TACC2: variants seen among roughly 807,000 people sequenced by gnomAD.
The protein encoded by TACC2 is transforming acidic coiled-coil containing protein 2.
A neutral mutation model predicts 227.3 loss-of-function variants in TACC2; 137 were observed. That is an observed-to-expected ratio of 0.60 (90% CI 0.52 to 0.69). The LOEUF (loss-of-function observed/expected upper bound fraction) is 0.69. Ranked by LOEUF, TACC2 falls within the 30% of genes least tolerant of loss-of-function variation. The probability of loss-of-function intolerance (pLI) is 0.00; values close to 1 mark genes in which losing one functional copy is unlikely to be tolerated. For missense variants in TACC2, 3,470 were observed against 3,694.4 expected (o/e 0.94, Z 1.57); for synonymous variants, 1,523 against 1,487.5 (o/e 1.02, Z -0.55).
intron 7 of TACC2, among the ~76,000 whole-genome samples, chr10:122,162,751 G>A (rs1216590777): frequency 6.6e-6 from 1 of 152,146 alleles, no homozygotes; most frequent in African/African-American, 2.4e-5. Flanking sequence ...CTGGGCACTG[G>A]GAGCTTGGTG....
chr10:122,128,863 T>C (rs964927273), intron 5 of TACC2, among the ~76,000 whole-genome samples: 17 of 152,192 alleles, frequency 1.1e-4, no homozygotes, highest in African/African-American at 4.1e-4. Context: ...GTTCAGGCTA[T>C]TATGCTTGCG....
intron 7 of TACC2, among the ~76,000 whole-genome samples, chr10:122,188,879 G>A (rs556877717): frequency 2.8e-4 from 42 of 152,308 alleles, no homozygotes; most frequent in Non-Finnish European, 5.0e-4. Flanking sequence ...CGAGGCAGCC[G>A]TAGGTGTCAG....
chr10:122,018,603 T>G (rs577060632), intron 1 of TACC2, among the ~76,000 whole-genome samples: 2 of 152,308 alleles, frequency 1.3e-5, no homozygotes, highest in African/African-American at 4.8e-5. Context: ...TGAATTTGCT[T>G]AACTCTGGCT....
intron 11 of TACC2, among the ~76,000 whole-genome samples, chr10:122,219,900 T>C (rs2095490167): frequency 6.6e-6 from 1 of 152,026 alleles, no homozygotes; most frequent in Non-Finnish European, 1.5e-5. Context: ...TAGCTGGGCA[T>C]GGTGGTGGGC....
At chr10:122,039,092 C>T (rs933326403) in intron 2 of TACC2, among the ~76,000 whole-genome samples, 1 of 152,204 alleles carries the variant, frequency 6.6e-6, no homozygotes, top group Non-Finnish European at 1.5e-5. Flanking sequence ...TCCCCTGCCT[C>T]AGCCTCCGGA....
rs569523562 is a variant in TACC2, at chr10:122,211,613, C to T, written c.7188C>T (p.Ala2396=). 1.9e-6 allele frequency: 3 copies of T among 1,613,742 alleles called. No individual in the cohort carries two copies. The highest frequency in any genetic ancestry group is 2.2e-5 in the South Asian group (2 of 90,968). Residue 2396 remains alanine, a synonymous_variant, in exon 9 of 23, where the codon GCC becomes GCT. Transcript: ENST00000369005. ...CCAGCTCACCTTCTAAATCCCCAGCCTCCTTTGAGATCCCAGCCAGTGCTA... is the reference window on the plus strand; with the variant it reads ...CCAGCTCACCTTCTAAATCCCCAGCTTCCTTTGAGATCCCAGCCAGTGCTA... ...KTPSSPSKSP[A]SFEIPASAME...
At chr10:122,034,351 G>C (rs1287274867) in intron 2 of TACC2, among the ~76,000 whole-genome samples, 2 of 152,036 alleles carry the variant, frequency 1.3e-5, no homozygotes, top group Non-Finnish European at 2.9e-5. Flanking sequence ...CCATGAGCTG[G>C]GCTGATGACT....
In TACC2 at chr10:122,210,310, G is replaced by C. The variant is rs759222715; in HGVS notation, c.5972-87G>C. On this transcript the variant is annotated intron_variant, in intron 8 of 22. Transcript: ENST00000369005. This position sits in a 1 kb window ranked among gnomAD's most constrained non-coding sequence, Gnocchi z 4.6. ...GGGGCCGTGGTTTGTCAACCCCTAC[G>C]CTGGAGGGTGATGTTTTGGTACAAG... 5 of 1,093,530 alleles carry C rather than the reference G, an allele frequency of 4.6e-6. No individual in the cohort carries two copies. In the Admixed American group the frequency reaches 7.5e-5, roughly 16 times the overall value. 67.7% of individuals were successfully genotyped at this position (1,093,530 alleles called of 1,614,324 possible).
chr10:122,004,397 CAAAAA>C (rs140584119), intron 1 of TACC2, among the ~76,000 whole-genome samples: 7 of 104,140 alleles, frequency 6.7e-5, no homozygotes, highest in Non-Finnish European at 9.9e-5. Context: ...GACTCTGTCT[CAAAAA>C]AAAAAAAAAA....
At chr10:122,216,484 C>A in intron 10 of TACC2, 143 bp from the exon 11 acceptor site, 2 of 699,026 alleles carry the variant, frequency 2.9e-6, no homozygotes, top group South Asian at 2.0e-5. Flanking sequence ...CTTAATGGAC[C>A]ATTTGGAGCA....
intron 12 of TACC2, among the ~76,000 whole-genome samples, chr10:122,225,066 A>T (rs867944926): frequency 4.3e-4 from 29 of 67,980 alleles, no homozygotes; most frequent in Middle Eastern, 0.014. Flanking sequence ...GATTTCTTTA[A>T]AAAAAAAAAA....
intron 5 of TACC2, among the ~76,000 whole-genome samples, chr10:122,123,224 C>T (rs571904812): frequency 5.6e-4 from 86 of 152,214 alleles, no homozygotes; most frequent in South Asian, 8.3e-4. Context: ...AGGCTGGTCT[C>T]GAACTCCTGG....
chr10:122,076,889 C>T (rs113268896), intron 3 of TACC2, among the ~76,000 whole-genome samples: 6,330 of 151,958 alleles, frequency 0.042, 184 homozygotes, highest in South Asian at 0.12. Context: ...CTAAGGCGGA[C>T]GGATCACTTG....
intron 2 of TACC2, among the ~76,000 whole-genome samples, chr10:122,043,891 T>C (rs2074657930): frequency 6.6e-6 from 1 of 152,162 alleles, no homozygotes. Context: ...AATTTTACTT[T>C]AGAGTATTTT....
At chr10:122,198,008 C>T (rs1303853722) in intron 8 of TACC2, among the ~76,000 whole-genome samples, 1 of 152,258 alleles carries the variant, frequency 6.6e-6, no homozygotes, top group Non-Finnish European at 1.5e-5. Flanking sequence ...TTACTTTCCT[C>T]TGCACAGTGC....
chr10:122,057,287 A>G (rs981978669), intron 3 of TACC2, among the ~76,000 whole-genome samples: 1 of 152,026 alleles, frequency 6.6e-6, no homozygotes, highest in Non-Finnish European at 1.5e-5. Context: ...GGTGCACTGG[A>G]GGGGTGGAGG....
At chr10:122,080,605 A>G (rs1477574625) in intron 3 of TACC2, among the ~76,000 whole-genome samples, 1 of 152,082 alleles carries the variant, frequency 6.6e-6, no homozygotes, top group Non-Finnish European at 1.5e-5. Context: ...CTTAATCCCA[A>G]CTGCCTCCTT....
intron 6 of TACC2, among the ~76,000 whole-genome samples, chr10:122,140,560 T>TGA (rs2090376089): frequency 6.6e-6 from 1 of 152,214 alleles, no homozygotes. Context: ...GCAGGTGGAA[T>TGA]GAGACTACAG....
At chr10:122,048,400 CCTT>C (rs2075281055) in intron 2 of TACC2, among the ~76,000 whole-genome samples, 1 of 134,786 alleles carries the variant, frequency 7.4e-6, no homozygotes, top group Non-Finnish European at 1.7e-5. Context: ...CCCTTTCCTT[CCTT>C]CCTCCCTCCC....
Sources: gnomAD v4.1 joint callset for allele counts (sites outside exome capture counted in the v4.1 genomes callset) on GRCh38, gnomAD v4.1.1 for gene constraint, Gnocchi (gnomAD v3.1) non-coding constraint, MANE v1.5 for transcripts, NCBI Gene and HGNC (gene_info 2026-07-23, HGNC 2026-07-21) for gene names.